Variants in BRI3BP observed in about 807,000 individuals in gnomAD.
BRI3BP encodes BRI3 binding protein.
BRI3BP carries 7 observed loss-of-function variants against 15.8 expected under a neutral mutation model. The observed-to-expected ratio is 0.44, with a 90% confidence interval of 0.25 to 0.83. The LOEUF is 0.83. Among genes scored for constraint, BRI3BP ranks in the 40% least tolerant of loss-of-function variants. BRI3BP has a pLI of 0.20. For missense variants in BRI3BP, 320 were observed against 339.3 expected (o/e 0.94, Z 0.45); for synonymous variants, 192 against 163.5 (o/e 1.17, Z -1.33).
intron 1 of BRI3BP, among the ~76,000 whole-genome samples, chr12:125,005,652 T>C (rs1955135851): frequency 6.6e-6 from 1 of 152,008 alleles, no homozygotes; most frequent in Non-Finnish European, 1.5e-5. Context: ...ACGCCTGTAA[T>C]CCCAGCTACT....
At chr12:125,024,798 C>CA (rs1013068315) in intron 2 of BRI3BP, among the ~76,000 whole-genome samples, 193 bp from the exon 3 acceptor site, 8 of 151,496 alleles carry the variant, frequency 5.3e-5, no homozygotes, top group South Asian at 2.1e-4. Context: ...GACTCCATCT[C>CA]AAAAAAAAGA....
At chr12:125,017,274 G>A (rs1197211350) in intron 2 of BRI3BP, among the ~76,000 whole-genome samples, 2 of 149,918 alleles carry the variant, frequency 1.3e-5, no homozygotes, top group African/African-American at 2.4e-5. Context: ...CACCTGCCTC[G>A]GCCTCCCAAA....
In BRI3BP at chr12:125,030,795, C is replaced by T. The variant is rs1955400485; in HGVS notation, c.*5365C>T. 6.6e-6 allele frequency: 1 copy of T among 152,198 alleles called. No individual in the cohort carries two copies. Among genetic ancestry groups the T allele is most frequent in the African/African-American group, 2.4e-5 (1 of 41,458 alleles). 9.4% of individuals were successfully genotyped at this position (152,198 alleles called of 1,614,324 possible). A position where few individuals can be genotyped will look rare whatever the true frequency, so the allele number is the denominator to read the frequency against. On this transcript the variant is annotated 3_prime_UTR_variant, in exon 3 of 3. Transcript: ENST00000341446. ...ACTAAAAACCCAATGAAGCAATTGT[C>T]TCCCTCTTCTTAACTGGAAATCACA...
the BRI3BP span, among the ~76,000 whole-genome samples, chr12:125,044,264 T>C: frequency 6.6e-6 from 1 of 152,004 alleles, no homozygotes. Flanking sequence ...GCGATTCTCC[T>C]GCCTCAGCCT....
chr12:125,011,034 C>G (rs1955192506), intron 1 of BRI3BP, among the ~76,000 whole-genome samples: 1 of 144,230 alleles, frequency 6.9e-6, no homozygotes, highest in Admixed American at 7.4e-5. Context: ...GTGGAGGCTG[C>G]AGTGAGCCGA....
intron 1 of BRI3BP, among the ~76,000 whole-genome samples, chr12:125,005,485 C>T (rs1342364318): frequency 1.3e-5 from 2 of 151,992 alleles, no homozygotes; most frequent in Non-Finnish European, 2.9e-5. Context: ...ATCTAGAGGC[C>T]TGGCCAGGGA....
chr12:125,048,696 A>G, the BRI3BP span, among the ~76,000 whole-genome samples: 1 of 151,328 alleles, frequency 6.6e-6, no homozygotes, highest in Non-Finnish European at 1.5e-5. Context: ...AACTTAAAGT[A>G]TAATAATAAT....
the BRI3BP span, among the ~76,000 whole-genome samples, chr12:125,036,743 A>G: frequency 1.3e-5 from 2 of 152,204 alleles, no homozygotes; most frequent in African/African-American, 2.4e-5. Flanking sequence ...ATTTGGAGAC[A>G]GGGTCTTTGG....
intron 2 of BRI3BP, among the ~76,000 whole-genome samples, chr12:125,016,687 G>A (rs1263817379): frequency 1.3e-5 from 2 of 151,720 alleles, no homozygotes; most frequent in East Asian, 3.9e-4. Flanking sequence ...CACCACACCC[G>A]GCTAATTTTT....
At chr12:125,004,930 C>T (rs1282723917) in intron 1 of BRI3BP, among the ~76,000 whole-genome samples, 1 of 152,196 alleles carries the variant, frequency 6.6e-6, no homozygotes, top group Non-Finnish European at 1.5e-5. Context: ...ACTGCAACCT[C>T]TGCCTCCCAG....
At chr12:124,994,748 G>A (rs888422708) in intron 1 of BRI3BP, among the ~76,000 whole-genome samples, 9 of 152,300 alleles carry the variant, frequency 5.9e-5, no homozygotes, top group African/African-American at 2.2e-4. Context: ...CTCTTGAGAA[G>A]GAGGAAGTTA....
chr12:124,998,455 A>G (rs1282010901), intron 1 of BRI3BP, among the ~76,000 whole-genome samples: 1 of 152,188 alleles, frequency 6.6e-6, no homozygotes, highest in Non-Finnish European at 1.5e-5. Context: ...AAGTATTGCT[A>G]TATGCTACAA....
the BRI3BP span, among the ~76,000 whole-genome samples, chr12:125,046,052 C>T: frequency 8.5e-4 from 129 of 151,962 alleles, no homozygotes; most frequent in Non-Finnish European, 6.9e-4. Context: ...GTAATCCCAG[C>T]TACTTGGGAG....
At position 125,025,039 on chromosome 12, in the gene BRI3BP, C is replaced by T. The variant is rs1232675407; in HGVS notation, c.365C>T (p.Pro122Leu). ...YFSPASVSSSPARALLLVGVV... is the reference protein window; with the variant it reads ...YFSPASVSSSLARALLLVGVV... ...AGCCCAGCCTCGGTGTCCAGCAGCC[C>T]GGCCCGCGCGCTCCTGCTGGTCGGC... The change falls in exon 3 of 3, where the codon CCG becomes CTG. Residue 122 changes from proline to leucine, a missense_variant. Transcript: ENST00000341446. 1.2e-6 allele frequency: 2 copies of T among 1,613,368 alleles called. No homozygotes were observed. The highest frequency in any genetic ancestry group is 1.7e-5 in the Admixed American group (1 of 59,996).
intron 2 of BRI3BP, among the ~76,000 whole-genome samples, chr12:125,018,346 G>C (rs1169868327): frequency 1.3e-5 from 2 of 152,192 alleles, no homozygotes; most frequent in Non-Finnish European, 2.9e-5. Flanking sequence ...AGAATGGGAT[G>C]CTATTTGGAG....
At chr12:125,010,770 C>T (rs1234794439) in intron 1 of BRI3BP, among the ~76,000 whole-genome samples, 1 of 151,196 alleles carries the variant, frequency 6.6e-6, no homozygotes, top group African/African-American at 2.4e-5. Flanking sequence ...AGCGAGACTC[C>T]AAATAAAATA....
At chr12:125,017,144 C>G (rs983466468) in intron 2 of BRI3BP, among the ~76,000 whole-genome samples, 2 of 151,806 alleles carry the variant, frequency 1.3e-5, no homozygotes, top group Admixed American at 6.6e-5. Flanking sequence ...CTCAGTCTCC[C>G]GAGTAGCTGG....
intron 1 of BRI3BP, among the ~76,000 whole-genome samples, chr12:125,011,609 T>G (rs1955196783): frequency 6.6e-6 from 1 of 152,144 alleles, no homozygotes; most frequent in South Asian, 2.1e-4. Flanking sequence ...TAAGGAAGGG[T>G]TCCTCCGGAG....
chr12:125,015,381 G>A (rs960835118), intron 2 of BRI3BP, among the ~76,000 whole-genome samples: 19 of 152,132 alleles, frequency 1.2e-4, no homozygotes, highest in Admixed American at 6.5e-5. Context: ...CACAAGCCAA[G>A]GAACACTGGG....
Sources: gnomAD v4.1 joint callset for allele counts (sites outside exome capture counted in the v4.1 genomes callset) on GRCh38, gnomAD v4.1.1 for gene constraint, MANE v1.5 for transcripts, NCBI Gene and HGNC (gene_info 2026-07-23, HGNC 2026-07-21) for gene names.